Variants in EYS observed in about 807,000 individuals in gnomAD.
EYS encodes protein eyes shut homolog.
In EYS, 250 loss-of-function variants were observed where a neutral mutation model predicts 282.1. That is an observed-to-expected ratio of 0.89 (90% CI 0.80 to 0.98). EYS has a LOEUF of 0.98. Among genes scored for constraint, EYS ranks in the 50% least tolerant of loss-of-function variants. The probability of loss-of-function intolerance (pLI) is 0.00; values close to 1 mark genes in which losing one functional copy is unlikely to be tolerated. For synonymous variants in EYS, 1,355 were observed against 1,282.9 expected (o/e 1.06, Z -1.20); for missense variants, 4,016 against 3,709.0 (o/e 1.08, Z -2.15).
intron 12 of EYS, among the ~76,000 whole-genome samples, chr6:65,065,618 T>G (rs958220128): frequency 1.3e-5 from 2 of 151,908 alleles, no homozygotes; most frequent in South Asian, 4.2e-4. Context: ...ATTCCTGACC[T>G]GTGATCTGCC....
chr6:63,977,445 C>T (rs1562128222), intron 35 of EYS, among the ~76,000 whole-genome samples: 1 of 151,992 alleles, frequency 6.6e-6, no homozygotes, highest in Non-Finnish European at 1.5e-5. Context: ...AACTTGTTTT[C>T]CCTTCCCAAA....
chr6:64,011,373 A>G (rs1344486763), intron 33 of EYS, among the ~76,000 whole-genome samples: 1 of 152,220 alleles, frequency 6.6e-6, no homozygotes, highest in Non-Finnish European at 1.5e-5. Flanking sequence ...ACATGTACAT[A>G]GAAAATTGTC....
chr6:65,353,444 C>A lies in EYS; in HGVS notation c.1459+14G>T. 1 of 1,611,808 alleles carries A rather than the reference C, an allele frequency of 6.2e-7. No individual in the cohort carries two copies. ...GATTCAAGCAGATTGAAAAAAATTA[C>A]ATAAATTTGTTACCTGCAAATCCCA... On this transcript the variant is annotated intron_variant, in intron 9 of 42. Coordinates refer to ENST00000503581, the MANE Select transcript of EYS (RefSeq NM_001142800.2).
chr6:64,839,234 AAAGC>A (rs1402342283), intron 19 of EYS, among the ~76,000 whole-genome samples: 16 of 152,066 alleles, frequency 1.1e-4, no homozygotes, highest in African/African-American at 3.9e-4. Flanking sequence ...TTCATTTTGA[AAAGC>A]TAGATTGGAT....
chr6:64,933,348 G>A, intron 15 of EYS, among the ~76,000 whole-genome samples: 1 of 152,040 alleles, frequency 6.6e-6, no homozygotes, highest in East Asian at 1.9e-4. Flanking sequence ...CTTCTCAAAA[G>A]GAGACATTTA....
chr6:64,623,014 A>G (rs1767497490), intron 23 of EYS, among the ~76,000 whole-genome samples: 1 of 152,142 alleles, frequency 6.6e-6, no homozygotes, highest in Admixed American at 6.6e-5. Context: ...AGAAAAACAG[A>G]TTGGGTAGGA....
intron 29 of EYS, among the ~76,000 whole-genome samples, chr6:64,310,119 T>C (rs1402683694): frequency 1.3e-5 from 2 of 150,812 alleles, no homozygotes; most frequent in East Asian, 3.9e-4. Flanking sequence ...AAAGGAATGC[T>C]TATACACCAT....
chr6:64,065,744 T>C (rs1482884655), intron 33 of EYS, among the ~76,000 whole-genome samples: 1 of 152,202 alleles, frequency 6.6e-6, no homozygotes, highest in Non-Finnish European at 1.5e-5. Context: ...TTTATTTGCT[T>C]GCACCATAAT....
chr6:64,531,386 G>GTTT (rs1289355755), intron 26 of EYS, among the ~76,000 whole-genome samples: 2 of 52,490 alleles, frequency 3.8e-5, no homozygotes, highest in Non-Finnish European at 7.0e-5. Context: ...ATTGAGTTTT[G>GTTT]TTTTTTGTTT....
intron 1 of EYS, among the ~76,000 whole-genome samples, chr6:65,705,015 AT>A (rs1051521661): frequency 5.9e-5 from 9 of 152,056 alleles, no homozygotes; most frequent in Non-Finnish European, 8.8e-5. Context: ...TTAAAATGGT[AT>A]TTTTTTCACT....
chr6:65,313,999 C>T (rs1351101319), intron 11 of EYS, among the ~76,000 whole-genome samples: 1 of 152,154 alleles, frequency 6.6e-6, no homozygotes. Flanking sequence ...CACCCACTCC[C>T]CTCCAGCCTT....
At chr6:64,771,693 T>C (rs926057869) in intron 22 of EYS, among the ~76,000 whole-genome samples, 2 of 151,794 alleles carry the variant, frequency 1.3e-5, no homozygotes, top group African/African-American at 4.8e-5. Context: ...ATTTCATTTT[T>C]AAATTGTTTT....
At chr6:65,666,322 G>A (rs1768199280) in intron 1 of EYS, among the ~76,000 whole-genome samples, 3 of 151,822 alleles carry the variant, frequency 2.0e-5, no homozygotes, top group Admixed American at 2.0e-4. Context: ...AGAAGCAATA[G>A]TAGTTAAAAA....
intron 2 of EYS, among the ~76,000 whole-genome samples, chr6:65,546,204 T>A (rs1005694179): frequency 3.0e-4 from 41 of 136,872 alleles, no homozygotes; most frequent in Middle Eastern, 7.8e-3. Flanking sequence ...TTTTTTTTTT[T>A]AATATATAGG....
intron 1 of EYS, among the ~76,000 whole-genome samples, chr6:65,691,422 T>C (rs970436514): frequency 6.6e-6 from 1 of 150,468 alleles, no homozygotes; most frequent in Non-Finnish European, 1.5e-5. Context: ...TACTTTTTGA[T>C]AGGGTTGTTT....
chr6:65,020,744 A>C (rs1772226766), intron 13 of EYS, among the ~76,000 whole-genome samples: 1 of 152,008 alleles, frequency 6.6e-6, no homozygotes, highest in Non-Finnish European at 1.5e-5. Context: ...TGAGGGCTCC[A>C]CCCATGAAGC....
chr6:64,900,943 C>T (rs11754473), intron 18 of EYS, among the ~76,000 whole-genome samples: 13,303 of 151,820 alleles, frequency 0.088, 686 homozygotes, highest in African/African-American at 0.14. Flanking sequence ...CATGCACACG[C>T]ATGTTTATTG....
chr6:65,348,165 G>A (rs1486744706), intron 9 of EYS, among the ~76,000 whole-genome samples: 1 of 151,628 alleles, frequency 6.6e-6, no homozygotes, highest in Non-Finnish European at 1.5e-5. Flanking sequence ...CAAAATCTTG[G>A]CTATTGTGAA....
chr6:65,589,302 A>G (rs1765155440), intron 2 of EYS, among the ~76,000 whole-genome samples: 1 of 151,856 alleles, frequency 6.6e-6, no homozygotes, highest in South Asian at 2.1e-4. Flanking sequence ...ACTGCTTTGA[A>G]TTCCTCTCAT....
Sources: allele counts gnomAD v4.1 joint callset (sites outside exome capture counted in the v4.1 genomes callset), GRCh38; gene constraint gnomAD v4.1.1; transcripts MANE v1.5; gene names NCBI Gene and HGNC (gene_info 2026-07-23, HGNC 2026-07-21).